NEGR1: variants seen among roughly 807,000 people sequenced by gnomAD.
The protein encoded by NEGR1 is IgLON family member 4.
NEGR1 carries 10 observed loss-of-function variants against 40.9 expected under a neutral mutation model. That is an observed-to-expected ratio of 0.24 (90% CI 0.15 to 0.42). The LOEUF is 0.42. NEGR1 is among the 10% of genes least tolerant of loss of function. The pLI is 1.00. For synonymous variants in NEGR1, 185 were observed against 166.8 expected, an observed-to-expected ratio of 1.11 and a Z score of -0.84; for missense variants, 352 against 438.9, an observed-to-expected ratio of 0.80 and a Z score of 1.77.
chr1:71,477,380 C>G (rs1646828102), intron 6 of NEGR1: 2 of 152,062 alleles, frequency 1.3e-5, no homozygotes, highest in Admixed American at 6.6e-5. Flanking sequence ...TTCACAGGGA[C>G]TGGTCAAAGG....
At chr1:71,409,980 A>C (rs148426059) in intron 6 of NEGR1, among the ~76,000 whole-genome samples, 1 of 152,062 alleles carries the variant, frequency 6.6e-6, no homozygotes, top group Non-Finnish European at 1.5e-5. Context: ...TAAGATATGT[A>C]TGATCCTTTT....
intron 1 of NEGR1, among the ~76,000 whole-genome samples, chr1:71,996,676 A>G (rs894934941): frequency 3.9e-5 from 6 of 152,096 alleles, no homozygotes; most frequent in African/African-American, 1.4e-4. Flanking sequence ...ATCAATGCTT[A>G]CCTGGGGAAA....
At chr1:71,969,021 G>T (rs1234456764) in intron 1 of NEGR1, among the ~76,000 whole-genome samples, 6 of 146,814 alleles carry the variant, frequency 4.1e-5, no homozygotes, top group African/African-American at 1.0e-4. Context: ...TTTTGTTTTT[G>T]TTTTTTTTTT....
chr1:71,601,944 G>T (rs1445431839), intron 5 of NEGR1, among the ~76,000 whole-genome samples: 1 of 151,976 alleles, frequency 6.6e-6, no homozygotes, highest in Non-Finnish European at 1.5e-5. Context: ...ACATGTACCT[G>T]CTGAATCTAA....
At chr1:71,938,493 T>C (rs532305145) in intron 1 of NEGR1, among the ~76,000 whole-genome samples, 46 of 151,214 alleles carry the variant, frequency 3.0e-4, no homozygotes, top group African/African-American at 1.1e-3. Context: ...CTCCTTTTCA[T>C]TCTCCATCTA....
In NEGR1 at chr1:71,582,196, A is replaced by C. The variant is rs572219036; in HGVS notation, c.940+10621T>G. Among the ~76,000 whole-genome samples, 3 of 152,288 alleles carry C rather than the reference A, an allele frequency of 2.0e-5. No homozygotes were observed. In the East Asian group the frequency reaches 5.8e-4, roughly 29 times the overall value. On this transcript the variant is annotated intron_variant, in intron 6 of 6. Coordinates refer to ENST00000357731, the MANE Select transcript of NEGR1 (RefSeq NM_173808.3). ...GGTATGGTTATGTGAAAATGAAAGA[A>C]GTTTTGTGAGGAGGGTAGATAATGT... is the stretch of plus-strand genomic sequence containing the variant.
chr1:72,162,394 A>G (rs1218052728), intron 1 of NEGR1, among the ~76,000 whole-genome samples: 2 of 152,140 alleles, frequency 1.3e-5, no homozygotes, highest in African/African-American at 2.4e-5. Context: ...CCCGGGAGGC[A>G]GAGGTTGCAG....
chr1:71,832,782 A>C (rs1658883216), intron 2 of NEGR1, among the ~76,000 whole-genome samples: 1 of 152,004 alleles, frequency 6.6e-6, no homozygotes, highest in African/African-American at 2.4e-5. Context: ...CTCAGGTGTA[A>C]AGTGCATTGC....
At chr1:72,160,303 T>A (rs1289345482) in intron 1 of NEGR1, among the ~76,000 whole-genome samples, 1 of 152,150 alleles carries the variant, frequency 6.6e-6, no homozygotes, top group Admixed American at 6.6e-5. Flanking sequence ...TATATCAAAA[T>A]ACTTTCAAAT....
chr1:71,742,119 G>C (rs571609015), intron 3 of NEGR1, among the ~76,000 whole-genome samples: 105 of 152,266 alleles, frequency 6.9e-4, no homozygotes, highest in Middle Eastern at 3.4e-3. Flanking sequence ...CTTATGAAAA[G>C]AGACATAAGA....
intron 6 of NEGR1, among the ~76,000 whole-genome samples, chr1:71,544,064 A>T (rs558044485): frequency 6.6e-6 from 1 of 151,788 alleles, no homozygotes; most frequent in Non-Finnish European, 1.5e-5. Flanking sequence ...CCTTATCTAG[A>T]TACTGCCTTG....
chr1:72,178,320 G>A (rs1652246924), intron 1 of NEGR1, among the ~76,000 whole-genome samples: 1 of 151,932 alleles, frequency 6.6e-6, no homozygotes, highest in South Asian at 2.1e-4. Flanking sequence ...TCCCTAAACA[G>A]AGTATACTAC....
At chr1:71,771,953 G>A (rs747818637) in intron 3 of NEGR1, among the ~76,000 whole-genome samples, 149 of 151,918 alleles carry the variant, frequency 9.8e-4, no homozygotes, top group Admixed American at 7.9e-4. Flanking sequence ...TGGATGTCAC[G>A]GTCTTAAAAT....
rs535171174 is a variant in NEGR1, at chr1:72,105,801, G to A, written c.177-170490C>T. ...ACCATTGTTTCATAGTCAAGAAAGG[G>A]AAATACTAAGCAAGTTTATATGAAA... is the stretch of plus-strand genomic sequence containing the variant. On this transcript the variant is annotated intron_variant, in intron 1 of 6. Coordinates refer to ENST00000357731, the MANE Select transcript of NEGR1 (RefSeq NM_173808.3). 2.6e-5 allele frequency among the ~76,000 whole-genome samples: 4 copies of A among 151,964 alleles called. No homozygotes were observed. The South Asian group carries it at 6.2e-4, about 24-fold the overall frequency.
At chr1:72,259,272 T>A (rs1655376293) in intron 1 of NEGR1, among the ~76,000 whole-genome samples, 1 of 152,144 alleles carries the variant, frequency 6.6e-6, no homozygotes, top group African/African-American at 2.4e-5. Flanking sequence ...TCAGGCACTG[T>A]GCTAGGTGCC....
intron 1 of NEGR1, among the ~76,000 whole-genome samples, chr1:72,209,618 A>G (rs1328948092): frequency 1.3e-5 from 2 of 151,916 alleles, no homozygotes; most frequent in Admixed American, 6.6e-5. Context: ...TTTTTGTACT[A>G]CCGATATGAC....
intron 1 of NEGR1, among the ~76,000 whole-genome samples, chr1:72,037,932 T>C (rs2100450986): frequency 6.6e-6 from 1 of 152,174 alleles, no homozygotes; most frequent in Non-Finnish European, 1.5e-5. Flanking sequence ...TCAAAGTTGC[T>C]GCCACCTGCT....
Position 71,401,592 on chromosome 1 carries a change from A to G in NEGR1, c.*5854T>C, listed in dbSNP as rs1163950298. ...TGTTCTACTGTCCCAGCACAAACAG[A>G]TGTTCATGTTAGTATTTCAATATAA... On this transcript the variant is annotated 3_prime_UTR_variant, in exon 7 of 7. Coordinates refer to ENST00000357731, the MANE Select transcript of NEGR1 (RefSeq NM_173808.3). 1 of 152,204 alleles carries G rather than the reference A, an allele frequency of 6.6e-6. No individual in the cohort carries two copies. The highest frequency in any genetic ancestry group is 1.5e-5 in the Non-Finnish European group (1 of 68,028). 9.4% of individuals were successfully genotyped at this position (152,204 alleles called of 1,614,324 possible). A position where few individuals can be genotyped will look rare whatever the true frequency, so the allele number is the denominator to read the frequency against.
At chr1:72,034,513 A>G (rs529393601) in intron 1 of NEGR1, among the ~76,000 whole-genome samples, 3 of 152,188 alleles carry the variant, frequency 2.0e-5, no homozygotes, top group Non-Finnish European at 2.9e-5. Flanking sequence ...TTTTACATCC[A>G]CAGGACCTTA....
Sources: allele counts gnomAD v4.1 joint callset (sites outside exome capture counted in the v4.1 genomes callset), GRCh38; gene constraint gnomAD v4.1.1; transcripts MANE v1.5; gene names NCBI Gene and HGNC (gene_info 2026-07-23, HGNC 2026-07-21).